The following HPS4 variants were observed in gnomAD, a reference collection of about 807,000 sequenced individuals.
HPS4 encodes BLOC-3 complex member HPS4.
HPS4 carries 44 observed loss-of-function variants against 70.3 expected under a neutral mutation model. That is an observed-to-expected ratio of 0.63 (90% CI 0.49 to 0.80). The LOEUF (loss-of-function observed/expected upper bound fraction) is 0.80. HPS4 is among the 30% of genes least tolerant of loss of function. The probability of loss-of-function intolerance (pLI) is 0.00; values close to 1 mark genes in which losing one functional copy is unlikely to be tolerated. For synonymous variants in HPS4, 377 were observed against 355.9 expected, an observed-to-expected ratio of 1.06 and a Z score of -0.67; for missense variants, 873 against 884.4, an observed-to-expected ratio of 0.99 and a Z score of 0.16.
Position 26,464,706 on chromosome 22 carries a change from G to A in HPS4, c.924C>T (p.Thr308=). ...TGHVESMAWT[T]PDPTSPDEAC... ...CTTCGTCAGGGGATGTGGGATCTGG[G>A]GTGGTCCAGGCCATGGATTCCACAT... is the stretch of plus-strand genomic sequence containing the variant. The change falls in exon 11 of 14, where the codon ACC becomes ACT. Residue 308 remains threonine, a synonymous_variant. Coordinates refer to ENST00000398145, the MANE Select transcript of HPS4 (RefSeq NM_022081.6). 6.2e-7 allele frequency: 1 copy of A among 1,606,482 alleles called. No individual in the cohort carries two copies. The highest frequency in any genetic ancestry group is 8.5e-7 in the Non-Finnish European group (1 of 1,174,798).
chr22:26,479,638 TC>T (rs2091056660), intron 2 of HPS4: 1 of 1,293,042 alleles, frequency 7.7e-7, no homozygotes, highest in Admixed American at 3.7e-5. Flanking sequence ...CAATGACTGC[TC>T]TTATTTGAAA....
rs1430525904 is a variant in HPS4, at chr22:26,477,078, A to G, written c.191T>C (p.Val64Ala). ...CGQIAGVVRCVSDISDSPPTL... is the reference protein window; with the variant it reads ...CGQIAGVVRCASDISDSPPTL... ...AGGAGGAGAGTCAGAAATGTCAGAA[A>G]CACAGCGGACAACTCCAGCAATCTG... Residue 64 changes from valine (V) to alanine (A), a missense_variant, in exon 4 of 14, where the codon GTT (valine) becomes GCT (alanine). Val to Ala is a moderately conservative substitution (Grantham distance 64, BLOSUM62 0). Transcript: ENST00000398145. The G allele has an allele frequency of 6.2e-7, 1 of 1,614,112 alleles. No homozygotes were observed. The highest frequency in any genetic ancestry group is 8.5e-7 in the Non-Finnish European group (1 of 1,180,032).
rs1341653185 is a variant in HPS4 at position 26,481,987 on chromosome 22, T to C, written c.-225A>G. On this transcript the variant is annotated 5_prime_UTR_variant, in exon 2 of 14. Coordinates refer to ENST00000398145, the MANE Select transcript of HPS4 (RefSeq NM_022081.6). ...TCAGTTTCATGTATATTTCCATGCC[T>C]CTTACAACTCAGGGAGAAACTATAA... is the stretch of plus-strand genomic sequence containing the variant. The C allele has an allele frequency of 5.3e-6, 3 of 563,930 alleles. No individual in the cohort carries two copies. The highest frequency in any genetic ancestry group is 2.9e-5 in the Admixed American group (1 of 34,036). The allele number at this position is 563,930 out of a possible 1,614,324, so 34.9% of individuals were successfully genotyped here.
chr22:26,477,435 G>A (rs975198895), intron 3 of HPS4, among the ~76,000 whole-genome samples: 9 of 152,160 alleles, frequency 5.9e-5, no homozygotes, highest in African/African-American at 2.4e-5. Context: ...CACATGCGAT[G>A]ACTGCACAGA....
downstream of HPS4, chr22:26,443,497 G>T: frequency 3.5e-6 from 1 of 286,946 alleles, no homozygotes; most frequent in Non-Finnish European, 6.6e-6. Context: ...TGAGTGACCA[G>T]AGACTTAGTG....
intron 13 of HPS4, among the ~76,000 whole-genome samples, chr22:26,456,360 A>T (rs1256253741): frequency 6.6e-6 from 1 of 152,230 alleles, no homozygotes; most frequent in Admixed American, 6.5e-5. Context: ...TAAAATGAGG[A>T]TTTAAAAAAT....
At chr22:26,480,167 G>A (rs2091122421) in intron 2 of HPS4, among the ~76,000 whole-genome samples, 1 of 152,094 alleles carries the variant, frequency 6.6e-6, no homozygotes, top group African/African-American at 2.4e-5. Flanking sequence ...TCAAAGGCCA[G>A]GCCTCAATTT....
intron 7 of HPS4, among the ~76,000 whole-genome samples, chr22:26,469,889 G>A (rs1296761309): frequency 1.3e-5 from 2 of 152,100 alleles, no homozygotes; most frequent in Admixed American, 6.5e-5. Flanking sequence ...CGGTTCTTCC[G>A]CATCTGTCAT....
chr22:26,457,990 T>C, intron 12 of HPS4, 23 bp from the exon 13 acceptor site: 1 of 1,580,762 alleles, frequency 6.3e-7, no homozygotes, highest in Non-Finnish European at 8.7e-7. Context: ...GACACAGAGT[T>C]GTGAAGAGCA....
intron 9 of HPS4, 145 bp from the exon 10 acceptor site, chr22:26,465,696 T>C (rs187154044): frequency 4.4e-6 from 3 of 685,648 alleles, no homozygotes; most frequent in East Asian, 5.4e-5. Context: ...AGGACACAGG[T>C]TGCCAAACTG....
At chr22:26,473,650 G>A (rs1445068996) in intron 4 of HPS4, among the ~76,000 whole-genome samples, 2 of 152,154 alleles carry the variant, frequency 1.3e-5, no homozygotes, top group Non-Finnish European at 2.9e-5. Flanking sequence ...GGCTGAGGCA[G>A]GGGAATCGCT....
chr22:26,470,918 A>T, intron 6 of HPS4, 105 bp from the exon 7 acceptor site: 1 of 1,555,186 alleles, frequency 6.4e-7, no homozygotes, highest in South Asian at 1.2e-5. Context: ...GGTGTAGCTC[A>T]AAGCCTGGAA....
At position 26,472,561 on chromosome 22, in the gene HPS4, G is replaced by A. The variant is rs534866986; in HGVS notation, c.385-143C>T. The stretch of plus-strand genomic sequence containing the variant: ...CCTGTTTTAAACCTATCCCATCACA[G>A]ATCCACGGCGCCTGCCGCGTGGGGG... On this transcript the variant is annotated intron_variant, in intron 5 of 13. Transcript: ENST00000398145. The A allele has an allele frequency of 2.5e-5, 19 of 757,048 alleles. No homozygotes were observed. In the Middle Eastern group the frequency reaches 2.9e-3, roughly 117 times the overall value. 46.9% of individuals were successfully genotyped at this position (757,048 alleles called of 1,614,324 possible). A position where few individuals can be genotyped will look rare whatever the true frequency, so the allele number is the denominator to read the frequency against.
At chr22:26,469,687 C>CAA (rs781594494) in intron 7 of HPS4, among the ~76,000 whole-genome samples, 3 of 57,632 alleles carry the variant, frequency 5.2e-5, no homozygotes, top group East Asian at 4.1e-4. Flanking sequence ...CTCGTCCCTA[C>CAA]AAAAAAAAAA....
At chr22:26,446,675 T>C (rs1361411928), downstream of HPS4, among the ~76,000 whole-genome samples, 4 of 152,212 alleles carry the variant, frequency 2.6e-5, no homozygotes, top group Non-Finnish European at 2.9e-5. Context: ...GCTATGGCCC[T>C]GTGTAACACC....
chr22:26,481,163 T>G (rs1432887417), intron 2 of HPS4, among the ~76,000 whole-genome samples: 1 of 151,324 alleles, frequency 6.6e-6, no homozygotes, highest in Non-Finnish European at 1.5e-5. Flanking sequence ...CATTTTGAAC[T>G]GCTCCATCTT....
At position 26,464,595 on chromosome 22, in the gene HPS4, G is replaced by A. The variant is rs1170041693; in HGVS notation, c.1035C>T (p.Ala345=). The A allele has an allele frequency of 6.2e-7, 1 of 1,614,228 alleles. No individual in the cohort carries two copies. Among genetic ancestry groups the A allele is most frequent in the Admixed American group, 1.7e-5 (1 of 60,034 alleles). The change falls in exon 11 of 14, where the codon GCC becomes GCT. Residue 345 remains alanine (A), a synonymous_variant. Transcript: ENST00000398145. ...AGCTGAGGCCAAGAACCTCACCCCT[G>A]GCAGAGTTGTGCAGTCCTGCGGGCC... ...SIRPAGLHNS[A]RGEVLGLSSS... is the part of the protein sequence containing the mutation.
chr22:26,443,596 T>C (rs2084875190), downstream of HPS4: 1 of 150,238 alleles, frequency 6.7e-6, no homozygotes, highest in South Asian at 2.1e-4. Context: ...AATATAATAA[T>C]GTAAAACTTC....
chr22:26,460,237 AT>A (rs1483482641), intron 11 of HPS4, among the ~76,000 whole-genome samples: 3 of 152,262 alleles, frequency 2.0e-5, no homozygotes, highest in Middle Eastern at 3.2e-3. Flanking sequence ...TTTATGAGCT[AT>A]TTGGTTTAAA....
Sources: gnomAD v4.1 joint callset for allele counts (sites outside exome capture counted in the v4.1 genomes callset) on GRCh38, gnomAD v4.1.1 for gene constraint, MANE v1.5 for transcripts, NCBI Gene and HGNC (gene_info 2026-07-23, HGNC 2026-07-21) for gene names.